Variants in MAF observed in about 807,000 individuals in gnomAD.
MAF encodes the protein transcription factor Maf.
MAF carries 10 observed loss-of-function variants against 22.0 expected under a neutral mutation model. The observed-to-expected ratio is 0.45, with a 90% CI of 0.28 to 0.77. MAF has a LOEUF of 0.77. Ranked by LOEUF, MAF falls within the 30% of genes least tolerant of loss-of-function variation. The probability of loss-of-function intolerance (pLI) is 0.12; values close to 1 mark genes in which losing one functional copy is unlikely to be tolerated. For missense variants in MAF, 544 were observed against 548.4 expected (o/e 0.99, Z 0.08); for synonymous variants, 337 against 255.8 (o/e 1.32, Z -3.03).
chr16:79,499,116 T>G, the MAF span, among the ~76,000 whole-genome samples: 1 of 152,214 alleles, frequency 6.6e-6, no homozygotes, highest in African/African-American at 2.4e-5. Context: ...GAAGCCAACT[T>G]GCAATCTCCA....
chr16:79,567,452 A>G, the MAF span, among the ~76,000 whole-genome samples: 21 of 150,360 alleles, frequency 1.4e-4, no homozygotes, highest in African/African-American at 4.9e-4. Flanking sequence ...ACGGATCCAT[A>G]GAAGCCACAA....
chr16:79,380,633 G>A, the MAF span, among the ~76,000 whole-genome samples: 1 of 152,276 alleles, frequency 6.6e-6, no homozygotes, highest in Non-Finnish European at 1.5e-5. Flanking sequence ...GCCTGGAACT[G>A]AATAAATACT....
chr16:79,255,590 GCCCTTAGCTGAGGGGGTCA>G, the MAF span, among the ~76,000 whole-genome samples: 3 of 152,216 alleles, frequency 2.0e-5, no homozygotes, highest in African/African-American at 7.2e-5. Flanking sequence ...GCTTGTTGGA[GCCCTTAGCTGAGGGGGTCA>G]CAGACAACCC....
chr16:79,208,969 A>C, the MAF span, among the ~76,000 whole-genome samples: 1 of 152,154 alleles, frequency 6.6e-6, no homozygotes, highest in Non-Finnish European at 1.5e-5. Context: ...TGAGAAGGAG[A>C]ATTTGCCAAA....
the MAF span, among the ~76,000 whole-genome samples, chr16:79,472,922 T>G: frequency 1.5e-4 from 23 of 152,142 alleles, no homozygotes; most frequent in East Asian, 3.1e-3. Flanking sequence ...TGAATGGGTG[T>G]GTACCGAGGC....
At chr16:79,356,872 A>T in the MAF span, among the ~76,000 whole-genome samples, 2 of 152,192 alleles carry the variant, frequency 1.3e-5, no homozygotes, top group Admixed American at 6.5e-5. Context: ...ATTATATTTG[A>T]CAACTTGTAT....
chr16:79,240,468 T>G, the MAF span, among the ~76,000 whole-genome samples: 2 of 121,320 alleles, frequency 1.6e-5, no homozygotes, highest in East Asian at 2.5e-4. Context: ...TTGCCTCCAT[T>G]TGCCAACAAG....
chr16:79,505,190 A>C, the MAF span, among the ~76,000 whole-genome samples: 2 of 152,188 alleles, frequency 1.3e-5, no homozygotes. Context: ...TGCTTCACAA[A>C]ATTTTGTAAA....
chr16:79,223,663 A>T, the MAF span, among the ~76,000 whole-genome samples: 2 of 152,222 alleles, frequency 1.3e-5, no homozygotes, highest in Admixed American at 1.3e-4. Flanking sequence ...CTCAATAAAA[A>T]ATGATAAAGG....
chr16:79,252,730 T>A, the MAF span, among the ~76,000 whole-genome samples: 7 of 152,130 alleles, frequency 4.6e-5, no homozygotes, highest in Non-Finnish European at 1.0e-4. Flanking sequence ...CCTCAGGTGA[T>A]CCGCCCGCCT....
the MAF span, among the ~76,000 whole-genome samples, chr16:79,413,756 G>A: frequency 6.6e-6 from 1 of 152,178 alleles, no homozygotes; most frequent in Non-Finnish European, 1.5e-5. Context: ...TTCCTTCTTA[G>A]TAATAATATG....
chr16:79,421,064 GATTT>G, the MAF span, among the ~76,000 whole-genome samples: 1 of 151,586 alleles, frequency 6.6e-6, no homozygotes, highest in Non-Finnish European at 1.5e-5. Flanking sequence ...GAGAGAGAGA[GATTT>G]ATTACAATAT....
the MAF span, among the ~76,000 whole-genome samples, chr16:79,437,644 G>C: frequency 6.6e-6 from 1 of 152,062 alleles, no homozygotes; most frequent in East Asian, 1.9e-4. Flanking sequence ...GCTCATGCCG[G>C]TCACCCAGCT....
chr16:79,537,817 G>A, the MAF span, among the ~76,000 whole-genome samples: 4 of 152,168 alleles, frequency 2.6e-5, no homozygotes, highest in African/African-American at 9.7e-5. Flanking sequence ...TGAAACCTCT[G>A]AACCTCAGAA....
chr16:79,522,946 A>G, the MAF span, among the ~76,000 whole-genome samples: 1 of 152,226 alleles, frequency 6.6e-6, no homozygotes, highest in African/African-American at 2.4e-5. Context: ...GAGAAGAGAC[A>G]TGATGTCTTT....
the MAF span, among the ~76,000 whole-genome samples, chr16:79,380,151 C>T: frequency 8.5e-5 from 13 of 152,274 alleles, no homozygotes; most frequent in East Asian, 1.4e-3. Flanking sequence ...ATCATGGCTG[C>T]CATATTTCAA....
At chr16:79,398,078 G>C in the MAF span, among the ~76,000 whole-genome samples, 1 of 152,166 alleles carries the variant, frequency 6.6e-6, no homozygotes, top group Admixed American at 6.5e-5. Context: ...GGAGGCTCTG[G>C]TGGGGAATGT....
chr16:79,475,263 T>C, the MAF span, among the ~76,000 whole-genome samples: 3 of 151,416 alleles, frequency 2.0e-5, no homozygotes, highest in Non-Finnish European at 4.4e-5. Context: ...AGCTTTAAAA[T>C]AAAATAAGAA....
chr16:79,518,855 G>T, the MAF span, among the ~76,000 whole-genome samples: 1 of 152,136 alleles, frequency 6.6e-6, no homozygotes, highest in Non-Finnish European at 1.5e-5. Context: ...AACCCAGGAG[G>T]CGGAGGTTGC....
Sources: allele counts gnomAD v4.1 joint callset (sites outside exome capture counted in the v4.1 genomes callset), GRCh38; gene constraint gnomAD v4.1.1; transcripts MANE v1.5; gene names NCBI Gene and HGNC (gene_info 2026-07-23, HGNC 2026-07-21).